The following TNR variants were observed in gnomAD, a reference collection of about 807,000 sequenced individuals.
TNR encodes the protein tenascin-R.
A neutral mutation model predicts 150.4 loss-of-function variants in TNR; 45 were observed. The observed-to-expected ratio is 0.30, with a 90% CI of 0.24 to 0.38. The LOEUF (loss-of-function observed/expected upper bound fraction) is 0.38, where lower values mean the gene tolerates loss of function less well. TNR is among the 10% of genes least tolerant of loss of function. The pLI is 1.00. For missense variants in TNR, 1,544 were observed against 1,759.1 expected, an observed-to-expected ratio of 0.88 and a Z score of 2.19; for synonymous variants, 687 against 678.4, an observed-to-expected ratio of 1.01 and a Z score of -0.20.
chr1:175,443,136 T>C (rs1655870500), intron 2 of TNR, among the ~76,000 whole-genome samples: 1 of 152,218 alleles, frequency 6.6e-6, no homozygotes, highest in Non-Finnish European at 1.5e-5. Flanking sequence ...ATAAAGTCAT[T>C]TGACTTTTTC....
intron 2 of TNR, among the ~76,000 whole-genome samples, chr1:175,420,812 T>C (rs1021315267): frequency 5.3e-5 from 8 of 152,200 alleles, no homozygotes; most frequent in African/African-American, 1.9e-4. Flanking sequence ...AAAGAAGTGC[T>C]CTGAGGGTAA....
intron 1 of TNR, among the ~76,000 whole-genome samples, chr1:175,647,724 T>C (rs907578925): frequency 6.6e-6 from 1 of 152,168 alleles, no homozygotes; most frequent in Non-Finnish European, 1.5e-5. Context: ...CAGGCATTCT[T>C]GACAGTGGGG....
At chr1:175,389,368 G>A (rs893912290) in intron 7 of TNR, among the ~76,000 whole-genome samples, 24 of 152,186 alleles carry the variant, frequency 1.6e-4, no homozygotes, top group African/African-American at 5.6e-4. Flanking sequence ...AACCTAGAAA[G>A]GTAACTTTTT....
chr1:175,468,847 A>G (rs1657148773), intron 2 of TNR, among the ~76,000 whole-genome samples: 1 of 152,100 alleles, frequency 6.6e-6, no homozygotes, highest in African/African-American at 2.4e-5. Flanking sequence ...CAGTAGTAAA[A>G]GAGAATTTCT....
chr1:175,335,009 G>C (rs1001100224), intron 20 of TNR, among the ~76,000 whole-genome samples: 2 of 152,124 alleles, frequency 1.3e-5, no homozygotes, highest in African/African-American at 4.8e-5. Context: ...GATAGTGGCA[G>C]GGAAGACAGA....
chr1:175,365,010 C>T lies in TNR; in HGVS notation c.2587G>A (p.Gly863Arg). 1 of 1,604,026 alleles carries T rather than the reference C, an allele frequency of 6.2e-7. No homozygotes were observed. Among genetic ancestry groups the T allele is most frequent in the Non-Finnish European group, 8.5e-7 (1 of 1,172,202 alleles). Residue 863 changes from glycine to arginine, a missense_variant and splice_region_variant, in exon 12 of 23, where the codon GGA becomes AGA. This residue lies in a region of TNR where 1,254 missense variants were observed against 1,329.4 expected (regional missense o/e 0.94). Transcript: ENST00000367674. ...SEPIVGSITT[G>R]IDPPKDITIS... ...CTGCTGCCAAGTCCTCCAGCCTCAC[C>T]TGTGGTGATGGAGCCCACAATGGGC... is the stretch of plus-strand genomic sequence containing the variant.
intron 2 of TNR, among the ~76,000 whole-genome samples, chr1:175,526,297 G>A (rs1478502028): frequency 3.3e-5 from 5 of 152,170 alleles, no homozygotes; most frequent in Non-Finnish European, 7.4e-5. Flanking sequence ...TTATTGTCTG[G>A]AACTGAAAGT....
intron 20 of TNR, 103 bp downstream of exon 20, chr1:175,335,608 A>G (rs1650202498): frequency 1.7e-6 from 2 of 1,184,702 alleles, no homozygotes; most frequent in Non-Finnish European, 2.4e-6. Flanking sequence ...TTAGCTTCTC[A>G]ACAAACACAG....
chr1:175,504,060 G>A (rs527402083), intron 2 of TNR, among the ~76,000 whole-genome samples: 85 of 152,318 alleles, frequency 5.6e-4, no homozygotes, highest in African/African-American at 1.9e-3. Flanking sequence ...ATGCCCAGGA[G>A]CTCTTCGAGG....
At chr1:175,617,707 A>G (rs41383651) in intron 1 of TNR, among the ~76,000 whole-genome samples, 4,270 of 152,336 alleles carry the variant, frequency 0.028, 85 homozygotes, top group Non-Finnish European at 0.043. Flanking sequence ...AAGCCTTTGG[A>G]ATATTGATAA....
intron 1 of TNR, among the ~76,000 whole-genome samples, chr1:175,707,237 C>T (rs1409147548): frequency 6.6e-6 from 1 of 152,110 alleles, no homozygotes; most frequent in Non-Finnish European, 1.5e-5. Flanking sequence ...GCTCATTTTG[C>T]CATTTTTCTA....
At chr1:175,678,774 G>C (rs543116478) in intron 1 of TNR, among the ~76,000 whole-genome samples, 13 of 152,340 alleles carry the variant, frequency 8.5e-5, no homozygotes, top group Non-Finnish European at 1.5e-4. Context: ...CAAGTGGGAA[G>C]GCATAGTGGT....
At position 175,355,641 on chromosome 1, in the gene TNR, G is replaced by A. The variant is rs1651289492; in HGVS notation, c.3119-8C>T. The A allele has an allele frequency of 6.2e-7, 1 of 1,613,636 alleles. No individual in the cohort carries two copies. Among genetic ancestry groups the A allele is most frequent in the Non-Finnish European group, 8.5e-7 (1 of 1,179,720 alleles). On this transcript the variant is annotated splice_region_variant and splice_polypyrimidine_tract_variant and intron_variant, in intron 16 of 22. Coordinates refer to ENST00000367674, the MANE Select transcript of TNR (RefSeq NM_003285.3). The stretch of plus-strand genomic sequence containing the variant: ...TTGCCGGAGGGTCCAGGACTGCAAA[G>A]AGGAGAAAGTGCCAGGGCATGCCTG...
chr1:175,656,141 AGT>A (rs575020723), intron 1 of TNR, among the ~76,000 whole-genome samples: 22,767 of 123,484 alleles, frequency 0.18, 1,518 homozygotes, highest in Admixed American at 0.23. Context: ...GGAAGGTTGA[AGT>A]GTGTGTGTGT....
intron 9 of TNR, among the ~76,000 whole-genome samples, chr1:175,371,187 CTTT>C (rs1652089030): frequency 6.6e-6 from 1 of 152,188 alleles, no homozygotes; most frequent in Admixed American, 6.5e-5. Context: ...TCAATGCCCC[CTTT>C]ATCTCTCCAT....
At chr1:175,479,214 A>G (rs1210530245) in intron 2 of TNR, among the ~76,000 whole-genome samples, 2 of 152,126 alleles carry the variant, frequency 1.3e-5, no homozygotes, top group Admixed American at 6.5e-5. Context: ...TGGTTGCCCA[A>G]TTGCCCCCTC....
chr1:175,464,354 C>A (rs1295015996), intron 2 of TNR, among the ~76,000 whole-genome samples: 1 of 152,110 alleles, frequency 6.6e-6, no homozygotes, highest in Admixed American at 6.5e-5. Context: ...TGTGAACAAT[C>A]TTGAAGAAAA....
At chr1:175,363,060 T>C (rs560423792) in intron 13 of TNR, among the ~76,000 whole-genome samples, 24 of 152,240 alleles carry the variant, frequency 1.6e-4, no homozygotes, top group Non-Finnish European at 3.2e-4. Context: ...TCTAACAAGC[T>C]GGTCTTCTCT....
At chr1:175,381,265 G>T (rs925742505) in intron 8 of TNR, among the ~76,000 whole-genome samples, 1 of 152,198 alleles carries the variant, frequency 6.6e-6, no homozygotes, top group African/African-American at 2.4e-5. Context: ...TGGGCTTGGG[G>T]TGTGCAGCTA....
Sources: allele counts gnomAD v4.1 joint callset (sites outside exome capture counted in the v4.1 genomes callset), GRCh38; gene constraint gnomAD v4.1.1; regional missense constraint gnomAD v4.1.1; transcripts MANE v1.5; gene names NCBI Gene and HGNC (gene_info 2026-07-23, HGNC 2026-07-21).